Variants in PTGER3 observed in about 807,000 individuals in gnomAD.
PTGER3 encodes prostaglandin E receptor 3, also known as prostaglandin E2 receptor EP3 subtype.
Under a neutral mutation model 34.7 loss-of-function variants are expected in PTGER3, and 22 were observed. The ratio of observed to expected loss-of-function variants is 0.63; its 90% CI spans 0.45 to 0.91. The LOEUF is 0.91. Ranked by LOEUF, PTGER3 falls within the 40% of genes least tolerant of loss-of-function variation. The pLI is 0.00. For missense variants in PTGER3, 468 were observed against 519.4 expected (o/e 0.90, Z 0.96); for synonymous variants, 241 against 230.1 (o/e 1.05, Z -0.43).
chr1:71,045,162 C>T (rs924506560), intron 1 of PTGER3, among the ~76,000 whole-genome samples: 73 of 152,082 alleles, frequency 4.8e-4, no homozygotes, highest in African/African-American at 1.6e-3. Flanking sequence ...ACTCCTTGTC[C>T]CCTCATGTCA....
intron 1 of PTGER3, among the ~76,000 whole-genome samples, chr1:71,028,317 C>CT (rs1659117200): frequency 2.0e-5 from 3 of 152,208 alleles, no homozygotes; most frequent in South Asian, 2.1e-4. Context: ...ACAGCTACCA[C>CT]TTGCGGGGAA....
intron 1 of PTGER3, among the ~76,000 whole-genome samples, chr1:71,021,950 TGAA>T (rs1219759801): frequency 6.6e-6 from 1 of 151,852 alleles, no homozygotes; most frequent in Non-Finnish European, 1.5e-5. Flanking sequence ...TTTAGTAACA[TGAA>T]GAAATGTTCA....
chr1:70,883,716 T>G (rs1646439686), intron 4 of PTGER3, among the ~76,000 whole-genome samples: 1 of 152,148 alleles, frequency 6.6e-6, no homozygotes, highest in South Asian at 2.1e-4. Context: ...CATTTTAGAG[T>G]TGCGACTTTG....
intron 4 of PTGER3, among the ~76,000 whole-genome samples, chr1:70,861,042 A>G (rs1645916105): frequency 6.6e-6 from 1 of 152,196 alleles, no homozygotes; most frequent in South Asian, 2.1e-4. Flanking sequence ...AATTCAGCCT[A>G]AGGGATTCCC....
Position 70,971,269 on chromosome 1 carries a change from T to A in PTGER3, c.*461A>T. ...GCTTTTATATGTCGTTAAGTTCATATCCTATTAATTGAATTATCACTCTCA... is the reference window on the plus strand; with the variant it reads ...GCTTTTATATGTCGTTAAGTTCATAACCTATTAATTGAATTATCACTCTCA... On this transcript the variant is annotated 3_prime_UTR_variant, in exon 4 of 4. Transcript: ENST00000306666. The A allele has an allele frequency of 1.0e-6, 1 of 985,958 alleles. No individual in the cohort carries two copies. The highest frequency in any genetic ancestry group is 1.2e-6 in the Non-Finnish European group (1 of 830,302). The allele number at this position is 985,958 out of a possible 1,614,324, so 61.1% of individuals were successfully genotyped here. A position where few individuals can be genotyped will look rare whatever the true frequency, so the allele number is the denominator to read the frequency against.
rs1393953911 is a variant in PTGER3 at position 71,047,171 on chromosome 1, G to A, written c.407C>T (p.Thr136Ile). Residue 136 changes from threonine to isoleucine, a missense_variant, in exon 1 of 4, where the codon ACC (threonine) becomes ATC (isoleucine). Physicochemically the swap from Thr to Ile is moderately conservative, Grantham distance 89. Around this residue, in one of 5 missense-constraint regions of PTGER3, gnomAD observed 53 missense variants for 93.9 expected, o/e 0.56. Coordinates refer to ENST00000306666, the MANE Select transcript of PTGER3 (RefSeq NM_198719.2). The part of the protein sequence containing the change: ...SGRLCTFFGL[T>I]MTVFGLSSLF... ...CGAGGAGAGCCCGAAAACAGTCATG[G>A]TCAGCCCGAAAAAGGTGCAGAGCCG... 6.2e-7 allele frequency: 1 copy of A among 1,600,438 alleles called. No homozygotes were observed. The highest frequency in any genetic ancestry group is 1.1e-5 in the South Asian group (1 of 89,666).
chr1:70,873,855 G>C (rs1315664205), intron 4 of PTGER3, among the ~76,000 whole-genome samples: 1 of 152,022 alleles, frequency 6.6e-6, no homozygotes, highest in East Asian at 1.9e-4. Flanking sequence ...CACCATGTTG[G>C]CCAGGAGGGG....
chr1:71,040,704 GAC>G, intron 1 of PTGER3, among the ~76,000 whole-genome samples: 1 of 152,270 alleles, frequency 6.6e-6, no homozygotes, highest in East Asian at 1.9e-4. Context: ...TAATGTGCAA[GAC>G]ACACACTGTA....
intron 4 of PTGER3, among the ~76,000 whole-genome samples, chr1:70,943,014 T>C (rs183004631): frequency 4.6e-5 from 7 of 152,260 alleles, no homozygotes; most frequent in Admixed American, 6.5e-5. Flanking sequence ...TAAACTAATA[T>C]ACCCCTTGAA....
chr1:70,903,904 G>A (rs755859364), intron 4 of PTGER3, among the ~76,000 whole-genome samples: 1 of 152,008 alleles, frequency 6.6e-6, no homozygotes, highest in Non-Finnish European at 1.5e-5. Flanking sequence ...TTCTTCCCTC[G>A]GTTGGTTTAA....
chr1:71,025,534 T>A (rs1658850500), intron 1 of PTGER3, among the ~76,000 whole-genome samples: 2 of 127,492 alleles, frequency 1.6e-5, no homozygotes, highest in South Asian at 5.5e-4. Context: ...AAAGTCCTTT[T>A]ATTACTGTAA....
intron 2 of PTGER3, among the ~76,000 whole-genome samples, chr1:70,997,416 A>C (rs1656091966): frequency 6.6e-6 from 1 of 152,216 alleles, no homozygotes; most frequent in Non-Finnish European, 1.5e-5. Flanking sequence ...TTCTTCTGAA[A>C]TATGTGTATA....
At chr1:71,018,112 C>A (rs1363365775) in intron 1 of PTGER3, among the ~76,000 whole-genome samples, 1 of 151,944 alleles carries the variant, frequency 6.6e-6, no homozygotes, top group African/African-American at 2.4e-5. Context: ...ATACAGCCAC[C>A]AAGATTACAA....
chr1:70,938,447 TAAAAA>T (rs895134487), intron 4 of PTGER3, among the ~76,000 whole-genome samples: 1 of 151,274 alleles, frequency 6.6e-6, no homozygotes, highest in Non-Finnish European at 1.5e-5. Context: ...TGCTGTGTCT[TAAAAA>T]AAAACATTTT....
At chr1:70,923,770 T>TTGTTTCTCTC (rs1023396564) in intron 4 of PTGER3, among the ~76,000 whole-genome samples, 1 of 152,236 alleles carries the variant, frequency 6.6e-6, no homozygotes, top group Non-Finnish European at 1.5e-5. Context: ...TGGAGCATAT[T>TTGTTTCTCTC]TGTTTCTCTC....
chr1:71,026,513 G>A (rs2100927423), intron 1 of PTGER3, among the ~76,000 whole-genome samples: 1 of 152,254 alleles, frequency 6.6e-6, no homozygotes, highest in South Asian at 2.1e-4. Context: ...TTTGAAGGAA[G>A]TTTGAATAAG....
chr1:71,041,097 T>C (rs971502602), intron 1 of PTGER3, among the ~76,000 whole-genome samples: 8 of 152,220 alleles, frequency 5.3e-5, no homozygotes, highest in Non-Finnish European at 1.0e-4. Context: ...TTCCTCAACT[T>C]AAAACAGGGT....
chr1:71,028,865 G>T (rs1354324967), intron 1 of PTGER3, among the ~76,000 whole-genome samples: 4 of 152,088 alleles, frequency 2.6e-5, no homozygotes, highest in Non-Finnish European at 5.9e-5. Flanking sequence ...AGAAAAATAT[G>T]CACTATTATC....
intron 4 of PTGER3, among the ~76,000 whole-genome samples, chr1:70,908,153 G>C (rs1398259889): frequency 6.6e-6 from 1 of 152,186 alleles, no homozygotes; most frequent in Non-Finnish European, 1.5e-5. Context: ...ACCTCCCAGG[G>C]TGTGGAATAC....
Sources: gnomAD v4.1 joint callset for allele counts (sites outside exome capture counted in the v4.1 genomes callset) on GRCh38, gnomAD v4.1.1 for gene constraint, gnomAD v4.1.1 regional missense constraint, MANE v1.5 for transcripts, NCBI Gene and HGNC (gene_info 2026-07-23, HGNC 2026-07-21) for gene names.